Variants in GARNL3 observed in about 807,000 individuals in gnomAD.
The protein encoded by GARNL3 is GTPase activating Rap/RanGAP domain like 3.
In GARNL3, 63 loss-of-function variants were observed where a neutral mutation model predicts 125.0. That is an observed-to-expected ratio of 0.50 (90% CI 0.41 to 0.62). The LOEUF is 0.62. GARNL3 is among the 20% of genes least tolerant of loss of function. The probability of loss-of-function intolerance (pLI) is 0.00; values close to 1 mark genes in which losing one functional copy is unlikely to be tolerated. For synonymous variants in GARNL3, 439 were observed against 457.5 expected (o/e 0.96, Z 0.52); for missense variants, 994 against 1,244.0 (o/e 0.80, Z 3.02).
At chr9:127,227,303 A>G (rs527729866) in intron 1 of GARNL3, among the ~76,000 whole-genome samples, 1 of 152,138 alleles carries the variant, frequency 6.6e-6, no homozygotes, top group Non-Finnish European at 1.5e-5. Flanking sequence ...TTTTCTGACT[A>G]TAAAACTAAT....
intron 26 of GARNL3, among the ~76,000 whole-genome samples, chr9:127,389,908 G>A (rs1166661580): frequency 1.6e-5 from 2 of 128,240 alleles, no homozygotes; most frequent in Admixed American, 9.0e-5. Flanking sequence ...GTGACAGAGT[G>A]ACACCCTGTC....
At chr9:127,264,633 A>G (rs1486142475), upstream of GARNL3, 6 of 1,135,786 alleles carry the variant, frequency 5.3e-6, no homozygotes, top group Non-Finnish European at 5.4e-6. Flanking sequence ...CTCTCTGGTT[A>G]TACAGAAATG....
chr9:127,322,992 G>A (rs990541903), intron 6 of GARNL3, among the ~76,000 whole-genome samples: 5 of 151,968 alleles, frequency 3.3e-5, no homozygotes, highest in African/African-American at 9.7e-5. Flanking sequence ...TAAATGACCA[G>A]GTATTTTATA....
upstream of GARNL3, among the ~76,000 whole-genome samples, chr9:127,260,739 A>C (rs1207893201): frequency 6.6e-6 from 1 of 152,198 alleles, no homozygotes; most frequent in Non-Finnish European, 1.5e-5. Context: ...ATTGGGCTGT[A>C]GTTTGCCAAC....
chr9:127,354,445 G>GTTTT, intron 19 of GARNL3, 35 bp downstream of exon 19: 1 of 1,051,364 alleles, frequency 9.5e-7, no homozygotes, highest in South Asian at 1.6e-5. Context: ...CATTCGATTC[G>GTTTT]TTTTTTTTTT....
chr9:127,228,539 A>G (rs1319166026), intron 1 of GARNL3, among the ~76,000 whole-genome samples: 2 of 152,100 alleles, frequency 1.3e-5, no homozygotes, highest in Non-Finnish European at 2.9e-5. Context: ...GTGAGGTGAA[A>G]CTTTTCCTTG....
At chr9:127,307,309 T>G (rs1462430346) in intron 2 of GARNL3, among the ~76,000 whole-genome samples, 1 of 152,132 alleles carries the variant, frequency 6.6e-6, no homozygotes, top group African/African-American at 2.4e-5. Context: ...AGGAAGAAGT[T>G]TACGATGGGC....
At chr9:127,342,949 G>A (rs867129541) in intron 14 of GARNL3, among the ~76,000 whole-genome samples, 1 of 141,798 alleles carries the variant, frequency 7.1e-6, no homozygotes, top group Non-Finnish European at 1.5e-5. Flanking sequence ...CCAGGCTGGA[G>A]TGCCATGGCA....
chr9:127,309,827 G>A (rs1182033753), intron 2 of GARNL3, among the ~76,000 whole-genome samples: 1 of 152,168 alleles, frequency 6.6e-6, no homozygotes, highest in Non-Finnish European at 1.5e-5. Flanking sequence ...TCTTTAGCAT[G>A]ATAAAGAAAC....
chr9:127,299,583 T>A (rs2064719506), intron 2 of GARNL3, among the ~76,000 whole-genome samples: 1 of 152,024 alleles, frequency 6.6e-6, no homozygotes, highest in Non-Finnish European at 1.5e-5. Context: ...TGTTTTTGTT[T>A]TTTTTGAGAT....
intron 13 of GARNL3, among the ~76,000 whole-genome samples, chr9:127,341,590 G>A (rs1336553083): frequency 6.6e-6 from 1 of 152,198 alleles, no homozygotes; most frequent in Non-Finnish European, 1.5e-5. Flanking sequence ...GAAGCTGAAA[G>A]GGTGTTGGCA....
chr9:127,298,475 G>A (rs527826491), intron 2 of GARNL3, among the ~76,000 whole-genome samples: 3 of 152,212 alleles, frequency 2.0e-5, no homozygotes, highest in East Asian at 1.9e-4. Flanking sequence ...CACCACGCCC[G>A]GCCTGCTTCC....
chr9:127,248,647 G>A (rs1332212228), intron 2 of GARNL3, among the ~76,000 whole-genome samples: 12 of 100,392 alleles, frequency 1.2e-4, no homozygotes, highest in South Asian at 3.6e-4. Flanking sequence ...TCACTCCATT[G>A]TCCAAGCTGG....
intron 19 of GARNL3, 90 bp downstream of exon 19, chr9:127,354,500 ATTTGATCTTATTAG>A: frequency 1.4e-6 from 1 of 719,230 alleles, no homozygotes; most frequent in Non-Finnish European, 2.4e-6. Context: ...ATGAGTAGGA[ATTTGATCTTATTAG>A]TTTGTTTTTT....
chr9:127,305,564 T>A (rs535235594), intron 2 of GARNL3, among the ~76,000 whole-genome samples: 2 of 151,900 alleles, frequency 1.3e-5, no homozygotes, highest in African/African-American at 4.8e-5. Context: ...ATTTTAATTT[T>A]TTTTAATTTT....
chr9:127,331,919 TGC>T (rs1829282504), intron 7 of GARNL3, among the ~76,000 whole-genome samples: 1 of 152,188 alleles, frequency 6.6e-6, no homozygotes, highest in African/African-American at 2.4e-5. Flanking sequence ...TTTGGACGGT[TGC>T]TCATGGGTTG....
chr9:127,303,816 C>A lies in GARNL3; in HGVS notation c.220-7820C>A, dbSNP rs532807471. Among the ~76,000 whole-genome samples the A allele has an allele frequency of 2.9e-4, 44 of 152,250 alleles. 2 individuals are homozygous for A. The Middle Eastern group carries it at 0.014, about 47-fold the overall frequency. On this transcript the variant is annotated intron_variant, in intron 2 of 27. Transcript: ENST00000373387. Reference sequence around the variant, plus strand: ...ATATGGATTTTGATTACATTATCCTCAAAATATCCTGGCCAGATTCAGTCT... The same window carrying A: ...ATATGGATTTTGATTACATTATCCTAAAAATATCCTGGCCAGATTCAGTCT...
chr9:127,371,022 C>T (rs1156704116), intron 22 of GARNL3, among the ~76,000 whole-genome samples: 1 of 152,226 alleles, frequency 6.6e-6, no homozygotes, highest in African/African-American at 2.4e-5. Context: ...TGTGCTCCTC[C>T]TCTGATGTGC....
intron 1 of GARNL3, among the ~76,000 whole-genome samples, chr9:127,283,390 G>A (rs577536315): frequency 6.6e-6 from 1 of 152,286 alleles, no homozygotes; most frequent in Admixed American, 6.5e-5. Context: ...TTAAATCTAG[G>A]CTGGGCACAG....
Sources: gnomAD v4.1 joint callset for allele counts (sites outside exome capture counted in the v4.1 genomes callset) on GRCh38, gnomAD v4.1.1 for gene constraint, MANE v1.5 for transcripts, NCBI Gene and HGNC (gene_info 2026-07-23, HGNC 2026-07-21) for gene names.